The following CD96 variants were observed in gnomAD, a reference collection of about 807,000 sequenced individuals.
CD96 encodes the protein CD96 molecule, also known as T-cell surface protein tactile.
CD96 carries 70 observed loss-of-function variants against 71.3 expected under a neutral mutation model. That is an observed-to-expected ratio of 0.98 (90% CI 0.81 to 1.20). The LOEUF (loss-of-function observed/expected upper bound fraction) is 1.20. Among genes scored for constraint, CD96 ranks in the 50% most tolerant of loss-of-function variants. CD96 has a pLI of 0.00. For missense variants in CD96, 742 were observed against 677.5 expected (o/e 1.10, Z -1.06); for synonymous variants, 248 against 233.0 (o/e 1.06, Z -0.59).
chr3:111,574,505 G>T (rs1485980904), intron 3 of CD96, among the ~76,000 whole-genome samples: 2 of 152,120 alleles, frequency 1.3e-5, no homozygotes, highest in South Asian at 2.1e-4. Context: ...TGAAAATTTT[G>T]ATTCTAGTTC....
intron 4 of CD96, among the ~76,000 whole-genome samples, chr3:111,579,648 G>T (rs1477377234): frequency 4.6e-5 from 7 of 152,144 alleles, no homozygotes; most frequent in Non-Finnish European, 1.0e-4. Context: ...GGTATCACAT[G>T]GCGAGGGGAC....
At chr3:111,630,181 T>C (rs1938987851) in intron 10 of CD96, among the ~76,000 whole-genome samples, 9 of 145,208 alleles carry the variant, frequency 6.2e-5, no homozygotes, top group African/African-American at 1.0e-4. Flanking sequence ...ATGAAGGAGA[T>C]AGACACACAA....
At chr3:111,572,070 T>TA (rs1936007757) in intron 3 of CD96, among the ~76,000 whole-genome samples, 1 of 152,294 alleles carries the variant, frequency 6.6e-6, no homozygotes, top group African/African-American at 2.4e-5. Flanking sequence ...ATCATAATGG[T>TA]AAAAAACACA....
At chr3:111,581,283 C>T (rs1414720466) in intron 4 of CD96, among the ~76,000 whole-genome samples, 1 of 152,108 alleles carries the variant, frequency 6.6e-6, no homozygotes, top group African/African-American at 2.4e-5. Flanking sequence ...TGGGTGGAGT[C>T]TCATCCAGTC....
intron 3 of CD96, chr3:111,577,564 G>A (rs1160349089): frequency 1.3e-6 from 2 of 1,536,474 alleles, no homozygotes; most frequent in East Asian, 2.2e-5. Flanking sequence ...GTAAATTGCT[G>A]CAGGAAAAAG....
At chr3:111,603,456 A>C (rs1937544791) in intron 7 of CD96, among the ~76,000 whole-genome samples, 1 of 152,104 alleles carries the variant, frequency 6.6e-6, no homozygotes, top group South Asian at 2.1e-4. Flanking sequence ...AAAAAAAAAA[A>C]AAATCCCGCC....
chr3:111,660,604 C>T (rs1338862622), intron 14 of CD96, among the ~76,000 whole-genome samples: 1 of 152,202 alleles, frequency 6.6e-6, no homozygotes, highest in Admixed American at 6.5e-5. Context: ...CATCACACTA[C>T]CCAACTTCAA....
At chr3:111,583,626 A>G (rs1207990175) in intron 4 of CD96, among the ~76,000 whole-genome samples, 4 of 152,194 alleles carry the variant, frequency 2.6e-5, no homozygotes, top group Admixed American at 1.3e-4. Flanking sequence ...TCAGTTCTTG[A>G]CTTCTCTGCA....
At position 111,637,960 on chromosome 3, in the gene CD96, AG is replaced by A; in HGVS notation, c.1388-116del. On this transcript the variant is annotated intron_variant, in intron 11 of 13. Transcript: ENST00000352690. ...TAATAAACTTTACACATAATATTTAAGGGATACTTAGACAATTTAAATTGAG... is the reference window on the plus strand; with the variant it reads ...TAATAAACTTTACACATAATATTTAAGGATACTTAGACAATTTAAATTGAG... 5 of 750,932 alleles carry A rather than the reference AG, an allele frequency of 6.7e-6. No individual in the cohort carries two copies. The South Asian group carries it at 7.1e-5, about 11-fold the overall frequency. 46.5% of individuals were successfully genotyped at this position (750,932 alleles called of 1,614,324 possible).
At chr3:111,542,414 A>ACTGCTG in intron 1 of CD96, 105 bp downstream of exon 1, 20 of 818,980 alleles carry the variant, frequency 2.4e-5, no homozygotes, top group Admixed American at 3.5e-5. Context: ...ATTGATCACC[A>ACTGCTG]AAGGACAAAT....
intron 8 of CD96, among the ~76,000 whole-genome samples, chr3:111,611,233 C>T (rs987159684): frequency 1.3e-5 from 2 of 152,122 alleles, no homozygotes; most frequent in African/African-American, 4.8e-5. Context: ...TGCCTCTAAC[C>T]CTCAGCCAGC....
rs1939434137 is a variant in CD96, at chr3:111,638,304, A to T, written c.1477+136A>T. On this transcript the variant is annotated intron_variant, in intron 12 of 13. Transcript: ENST00000352690. ...ACACACTGGCTTTTTGAAGATTATA[A>T]TCTATTAGTGATCGATCATGTGTAT... The T allele has an allele frequency of 4.1e-6, 3 of 724,184 alleles. No homozygotes were observed. In the East Asian group the frequency reaches 7.9e-5, roughly 19 times the overall value. The allele number at this position is 724,184 out of a possible 1,614,324, so 44.9% of individuals were successfully genotyped here.
At position 111,650,154 on chromosome 3, in the gene CD96, T is replaced by C. The variant is rs781011992; in HGVS notation, c.*348T>C. 2.4e-5 allele frequency: 7 copies of C among 295,492 alleles called. No homozygotes were observed. The highest frequency in any genetic ancestry group is 4.0e-5 in the Non-Finnish European group (6 of 149,706). 18.3% of individuals were successfully genotyped at this position (295,492 alleles called of 1,614,324 possible). A position where few individuals can be genotyped will look rare whatever the true frequency, so the allele number is the denominator to read the frequency against. ...AACAATGGTTTCAACTGTATGCCCA[T>C]GCCTGATCCTCTTATTTGAACATCT... is the stretch of plus-strand genomic sequence containing the variant. On this transcript the variant is annotated 3_prime_UTR_variant, in exon 14 of 14. Coordinates refer to ENST00000352690, the MANE Select transcript of CD96 (RefSeq NM_005816.5).
At chr3:111,595,840 A>G (rs932341762) in intron 5 of CD96, among the ~76,000 whole-genome samples, 1 of 152,042 alleles carries the variant, frequency 6.6e-6, no homozygotes, top group East Asian at 1.9e-4. Flanking sequence ...AAGAAGAAAA[A>G]ACTTTGTGTT....
intron 5 of CD96, chr3:111,594,015 G>C (rs1473605210): frequency 6.2e-7 from 1 of 1,614,204 alleles, no homozygotes; most frequent in South Asian, 1.1e-5. Flanking sequence ...GCAGGAGCTA[G>C]GTGGAAATAT....
At chr3:111,646,790 A>G (rs1939848627) in intron 12 of CD96, among the ~76,000 whole-genome samples, 1 of 152,166 alleles carries the variant, frequency 6.6e-6, no homozygotes, top group African/African-American at 2.4e-5. Flanking sequence ...AGCACTATTC[A>G]CAAAAGCAAA....
At chr3:111,622,933 G>A (rs1938582056) in intron 8 of CD96, among the ~76,000 whole-genome samples, 1 of 152,182 alleles carries the variant, frequency 6.6e-6, no homozygotes, top group Non-Finnish European at 1.5e-5. Context: ...AAGACATCAG[G>A]AAATGCACTT....
chr3:111,627,459 C>A (rs76295449), intron 10 of CD96, among the ~76,000 whole-genome samples: 3,164 of 152,294 alleles, frequency 0.021, 112 homozygotes, highest in African/African-American at 0.069. Flanking sequence ...CCAGCCAGGG[C>A]CTCTGGCCAG....
chr3:111,624,382 C>T lies in CD96; in HGVS notation c.1299C>T (p.Ser433=). ...TTRGFNYPWT[S]SGTDTKKSVS... ...GAGGCTTCAACTATCCCTGGACCTC[C>T]AGTGGGACAGATACCAAAAAATGTT... Residue 433 remains serine (S), a synonymous_variant, in exon 10 of 14, where the codon TCC becomes TCT. Coordinates refer to ENST00000352690, the MANE Select transcript of CD96 (RefSeq NM_005816.5). The T allele has an allele frequency of 6.2e-7, 1 of 1,609,684 alleles. No homozygotes were observed. The highest frequency in any genetic ancestry group is 8.5e-7 in the Non-Finnish European group (1 of 1,175,964).
Sources: gnomAD v4.1 joint callset for allele counts (sites outside exome capture counted in the v4.1 genomes callset) on GRCh38, gnomAD v4.1.1 for gene constraint, MANE v1.5 for transcripts, NCBI Gene and HGNC (gene_info 2026-07-23, HGNC 2026-07-21) for gene names.